The following BMAL1 variants were observed in gnomAD, a reference collection of about 807,000 sequenced individuals.
BMAL1 encodes the protein basic helix-loop-helix ARNT-like protein 1.
the BMAL1 span, among the ~76,000 whole-genome samples, chr11:13,305,329 G>T: frequency 6.6e-6 from 1 of 152,198 alleles, no homozygotes; most frequent in Non-Finnish European, 1.5e-5. Context: ...CTAGCTGAGA[G>T]AAATGATAGT....
the BMAL1 span, among the ~76,000 whole-genome samples, chr11:13,313,802 A>G: frequency 6.6e-6 from 1 of 152,100 alleles, no homozygotes; most frequent in Non-Finnish European, 1.5e-5. Context: ...AGAGCTCCTC[A>G]TTGCTTAGAA....
the BMAL1 span, among the ~76,000 whole-genome samples, chr11:13,305,052 CTG>C: frequency 6.6e-6 from 1 of 152,320 alleles, no homozygotes; most frequent in Non-Finnish European, 1.5e-5. Flanking sequence ...GGAGCGGAAA[CTG>C]TTTCCCACGT....
the BMAL1 span, among the ~76,000 whole-genome samples, chr11:13,382,972 T>C: frequency 1.3e-5 from 2 of 152,172 alleles, no homozygotes; most frequent in South Asian, 4.1e-4. Flanking sequence ...TTGAGAAGAA[T>C]GGATTATAAA....
At chr11:13,290,459 G>C in the BMAL1 span, among the ~76,000 whole-genome samples, 3 of 152,178 alleles carry the variant, frequency 2.0e-5, no homozygotes, top group Non-Finnish European at 2.9e-5. Context: ...TAGCCTGGGG[G>C]ATTCATGGCT....
At chr11:13,333,200 C>T in the BMAL1 span, among the ~76,000 whole-genome samples, 5 of 152,140 alleles carry the variant, frequency 3.3e-5, no homozygotes, top group Admixed American at 3.3e-4. Context: ...CTCCTGACCT[C>T]GGGTGATCTG....
the BMAL1 span, among the ~76,000 whole-genome samples, chr11:13,313,196 C>T: frequency 6.6e-6 from 1 of 152,352 alleles, no homozygotes; most frequent in African/African-American, 2.4e-5. Context: ...CTGAGCGTGC[C>T]TCTCCTGGGT....
At chr11:13,299,942 A>G in the BMAL1 span, among the ~76,000 whole-genome samples, 2 of 152,202 alleles carry the variant, frequency 1.3e-5, no homozygotes, top group African/African-American at 4.8e-5. Flanking sequence ...CAAGCTTGAC[A>G]TTGAGTGTCC....
At chr11:13,285,843 A>C in the BMAL1 span, among the ~76,000 whole-genome samples, 1 of 152,218 alleles carries the variant, frequency 6.6e-6, no homozygotes, top group Non-Finnish European at 1.5e-5. Context: ...CCTGCTTAGA[A>C]GGCTTTTAAT....
the BMAL1 span, chr11:13,375,906 C>G: frequency 1.3e-6 from 1 of 773,608 alleles, no homozygotes; most frequent in Non-Finnish European, 1.9e-6. Flanking sequence ...TCAGGACTGG[C>G]AGAAGCTAGA....
chr11:13,384,306 A>G, the BMAL1 span, among the ~76,000 whole-genome samples: 1 of 152,212 alleles, frequency 6.6e-6, no homozygotes, highest in Non-Finnish European at 1.5e-5. Flanking sequence ...AATAATAGTG[A>G]TATTTTGATG....
At chr11:13,355,226 T>G in the BMAL1 span, 1 of 1,613,470 alleles carries the variant, frequency 6.2e-7, no homozygotes, top group Non-Finnish European at 8.5e-7. Flanking sequence ...TCTGCTGAAG[T>G]TCACAGGTCG....
the BMAL1 span, among the ~76,000 whole-genome samples, chr11:13,284,541 G>A: frequency 1.3e-5 from 2 of 151,588 alleles, no homozygotes; most frequent in Admixed American, 1.3e-4. Context: ...TGAGTGCGCC[G>A]GGAGCAGGAT....
the BMAL1 span, among the ~76,000 whole-genome samples, chr11:13,290,154 A>G: frequency 6.6e-6 from 1 of 152,024 alleles, no homozygotes. Context: ...CATTTTTTTC[A>G]TGTGTCTGTT....
chr11:13,376,322 G>A, the BMAL1 span, among the ~76,000 whole-genome samples: 1 of 152,220 alleles, frequency 6.6e-6, no homozygotes, highest in Non-Finnish European at 1.5e-5. Flanking sequence ...TAAGAGCTGT[G>A]TGAGGGGCCG....
chr11:13,373,210 C>G, the BMAL1 span, among the ~76,000 whole-genome samples: 10 of 152,276 alleles, frequency 6.6e-5, no homozygotes, highest in Admixed American at 2.6e-4. Flanking sequence ...CAGAGGCCAG[C>G]CTGGGGACTG....
At chr11:13,284,484 A>G in the BMAL1 span, among the ~76,000 whole-genome samples, 4 of 151,670 alleles carry the variant, frequency 2.6e-5, no homozygotes, top group Non-Finnish European at 5.9e-5. Context: ...GAGGCATGGA[A>G]GGACGTGCCC....
the BMAL1 span, among the ~76,000 whole-genome samples, chr11:13,365,070 TGATG>T: frequency 6.6e-6 from 1 of 152,140 alleles, no homozygotes; most frequent in Non-Finnish European, 1.5e-5. Context: ...TGAAGGCAGA[TGATG>T]GCTGAGATGT....
the BMAL1 span, among the ~76,000 whole-genome samples, chr11:13,377,876 C>G: frequency 2.6e-5 from 4 of 152,256 alleles, no homozygotes; most frequent in Non-Finnish European, 4.4e-5. Flanking sequence ...ATATTCATCT[C>G]TCAAGACTCA....
At chr11:13,330,382 T>G in the BMAL1 span, among the ~76,000 whole-genome samples, 2 of 152,228 alleles carry the variant, frequency 1.3e-5, no homozygotes, top group Non-Finnish European at 2.9e-5. Flanking sequence ...GAAAAGCCAC[T>G]AAAATCTCGA....
Sources: gnomAD v4.1 joint callset for allele counts (sites outside exome capture counted in the v4.1 genomes callset) on GRCh38, gnomAD v4.1.1 for gene constraint, MANE v1.5 for transcripts, NCBI Gene and HGNC (gene_info 2026-07-23, HGNC 2026-07-21) for gene names.